Variants in NGLY1 observed in about 807,000 individuals in gnomAD.
The protein encoded by NGLY1 is N-glycanase 1.
NGLY1 carries 68 observed loss-of-function variants against 84.6 expected under a neutral mutation model. The observed-to-expected ratio is 0.80, with a 90% CI of 0.66 to 0.98. The LOEUF is 0.98. Among genes scored for constraint, NGLY1 ranks in the 50% least tolerant of loss-of-function variants. The probability of loss-of-function intolerance (pLI) is 0.00; values close to 1 mark genes in which losing one functional copy is unlikely to be tolerated. For synonymous variants in NGLY1, 280 were observed against 275.2 expected (o/e 1.02, Z -0.17); for missense variants, 779 against 770.2 (o/e 1.01, Z -0.14).
At chr3:25,786,877 A>G (rs903960829), upstream of NGLY1, among the ~76,000 whole-genome samples, 3 of 152,226 alleles carry the variant, frequency 2.0e-5, no homozygotes, top group Non-Finnish European at 4.4e-5. Flanking sequence ...GTAAGGATAA[A>G]TGTTGATTTA....
At chr3:25,785,032 C>A (rs1440140861), upstream of NGLY1, among the ~76,000 whole-genome samples, 1 of 151,056 alleles carries the variant, frequency 6.6e-6, no homozygotes, top group Non-Finnish European at 1.5e-5. Context: ...AACTATTTAA[C>A]TCTGCCTCTG....
intron 3 of NGLY1, 125 bp from the exon 4 acceptor site, chr3:25,751,388 A>T (rs963348811): frequency 3.9e-6 from 3 of 763,160 alleles, no homozygotes; most frequent in Admixed American, 3.6e-5. Flanking sequence ...ACTTAAATAT[A>T]ATAATTATAC....
intron 2 of NGLY1, 74 bp from the exon 3 acceptor site, chr3:25,764,385 A>ACAC: frequency 6.9e-7 from 1 of 1,458,880 alleles, no homozygotes; most frequent in Non-Finnish European, 9.3e-7. Flanking sequence ...ACACACACAG[A>ACAC]AATGTATAAT....
At chr3:25,758,389 A>C (rs541121714) in intron 3 of NGLY1, among the ~76,000 whole-genome samples, 1 of 152,090 alleles carries the variant, frequency 6.6e-6, no homozygotes, top group Non-Finnish European at 1.5e-5. Context: ...CACCCTGAGC[A>C]ACATGGCAAG....
chr3:25,780,246 G>A (rs1708349412), intron 1 of NGLY1, among the ~76,000 whole-genome samples: 1 of 152,162 alleles, frequency 6.6e-6, no homozygotes, highest in African/African-American at 2.4e-5. Context: ...TTTTCTCAGT[G>A]GAGTTTCCTT....
upstream of NGLY1, among the ~76,000 whole-genome samples, chr3:25,785,135 CAAAAAAAAAAAAA>C (rs1159268520): frequency 3.9e-5 from 3 of 76,986 alleles, no homozygotes; most frequent in African/African-American, 1.3e-4. Context: ...CCTGCTTGGA[CAAAAAAAAAAAAA>C]AAAAAAAAAA....
intron 4 of NGLY1, 141 bp downstream of exon 4, chr3:25,750,957 G>A (rs991522309): frequency 1.5e-5 from 12 of 774,464 alleles, no homozygotes; most frequent in African/African-American, 7.2e-5. Context: ...GTGAATCCAC[G>A]TTTGGTTTAA....
intron 3 of NGLY1, among the ~76,000 whole-genome samples, chr3:25,757,075 G>A (rs1389062944): frequency 1.3e-5 from 2 of 152,160 alleles, no homozygotes; most frequent in African/African-American, 4.8e-5. Context: ...CCTCAAAACA[G>A]AAGTTTCATC....
chr3:25,741,646 T>A (rs1706151395), intron 4 of NGLY1, among the ~76,000 whole-genome samples: 1 of 152,122 alleles, frequency 6.6e-6, no homozygotes, highest in South Asian at 2.1e-4. Context: ...TTTCAAAAGC[T>A]ACACTAAAGA....
intron 3 of NGLY1, among the ~76,000 whole-genome samples, chr3:25,757,402 T>A (rs534839714): frequency 6.6e-6 from 1 of 152,312 alleles, no homozygotes; most frequent in African/African-American, 2.4e-5. Context: ...AAATAACACC[T>A]ACCCTGCCTA....
At chr3:25,753,334 T>C (rs1387479082) in intron 3 of NGLY1, among the ~76,000 whole-genome samples, 1 of 152,174 alleles carries the variant, frequency 6.6e-6, no homozygotes, top group Non-Finnish European at 1.5e-5. Flanking sequence ...GCAAAATAAA[T>C]ATATTTTCTG....
chr3:25,758,617 T>C (rs1707157889), intron 3 of NGLY1, among the ~76,000 whole-genome samples: 1 of 152,188 alleles, frequency 6.6e-6, no homozygotes, highest in African/African-American at 2.4e-5. Flanking sequence ...AACATATTAT[T>C]TACTATTTAG....
intron 3 of NGLY1, among the ~76,000 whole-genome samples, chr3:25,757,812 A>G (rs1707116578): frequency 6.6e-6 from 1 of 152,340 alleles, no homozygotes; most frequent in South Asian, 2.1e-4. Context: ...CAATTAAGTT[A>G]TAATAATATT....
intron 3 of NGLY1, among the ~76,000 whole-genome samples, chr3:25,751,557 T>C (rs1043323766): frequency 5.9e-5 from 9 of 152,322 alleles, no homozygotes; most frequent in Admixed American, 3.3e-4. Context: ...AGAGCTCTGA[T>C]CTATGCATCT....
At chr3:25,755,901 C>G (rs868196958) in intron 3 of NGLY1, among the ~76,000 whole-genome samples, 1 of 152,110 alleles carries the variant, frequency 6.6e-6, no homozygotes, top group Non-Finnish European at 1.5e-5. Context: ...AATGTTGAGT[C>G]CTTATATGGC....
chr3:25,725,998 G>A (rs1266194052), intron 10 of NGLY1, among the ~76,000 whole-genome samples: 1 of 152,146 alleles, frequency 6.6e-6, no homozygotes, highest in Non-Finnish European at 1.5e-5. Flanking sequence ...AGACTGCCAA[G>A]CACAATATTT....
chr3:25,787,215 A>C (rs1264836796), upstream of NGLY1, among the ~76,000 whole-genome samples: 7 of 152,182 alleles, frequency 4.6e-5, no homozygotes, highest in African/African-American at 1.4e-4. Context: ...CTTGAACAGA[A>C]GCCTTAAATT....
At chr3:25,735,952 G>GA (rs971822723) in intron 7 of NGLY1, 52 bp downstream of exon 7, 2 of 1,446,594 alleles carry the variant, frequency 1.4e-6, no homozygotes, top group East Asian at 4.8e-5. Context: ...TGTCATAAAA[G>GA]AAAAAAATAT....
upstream of NGLY1, among the ~76,000 whole-genome samples, chr3:25,787,844 T>A (rs550590084): frequency 1.3e-5 from 2 of 152,308 alleles, no homozygotes; most frequent in East Asian, 3.9e-4. Context: ...GCCACATATT[T>A]AGCTGTTTGT....
Sources: allele counts gnomAD v4.1 joint callset (sites outside exome capture counted in the v4.1 genomes callset), GRCh38; gene constraint gnomAD v4.1.1; transcripts MANE v1.5; gene names NCBI Gene and HGNC (gene_info 2026-07-23, HGNC 2026-07-21).